The following CSMD2 variants were observed in gnomAD, a reference collection of about 807,000 sequenced individuals.
CSMD2 encodes CUB and sushi domain-containing protein 2.
Under a neutral mutation model 398.5 loss-of-function variants are expected in CSMD2, and 130 were observed. The observed-to-expected ratio is 0.33, with a 90% confidence interval of 0.28 to 0.38. The LOEUF is 0.38. Among genes scored for constraint, CSMD2 ranks in the 10% least tolerant of loss-of-function variants. The probability of loss-of-function intolerance (pLI) is 1.00; values close to 1 mark genes in which losing one functional copy is unlikely to be tolerated. For synonymous variants in CSMD2, 1,828 were observed against 1,908.5 expected (o/e 0.96, Z 1.10); for missense variants, 3,829 against 4,764.9 (o/e 0.80, Z 5.78).
At chr1:33,804,533 C>T (rs930958349) in intron 10 of CSMD2, among the ~76,000 whole-genome samples, 2 of 150,252 alleles carry the variant, frequency 1.3e-5, no homozygotes, top group East Asian at 1.9e-4. Context: ...GACATGCCTC[C>T]ATCAGGACTT....
chr1:33,580,702 A>G (rs1210925568), intron 48 of CSMD2, 51 bp downstream of exon 48: 4 of 1,604,382 alleles, frequency 2.5e-6, no homozygotes, highest in Non-Finnish European at 3.4e-6. Context: ...GAGGAGCTTG[A>G]GGCTTCGATG....
At chr1:33,800,285 C>A (rs1241940887) in intron 10 of CSMD2, among the ~76,000 whole-genome samples, 1 of 152,102 alleles carries the variant, frequency 6.6e-6, no homozygotes. Flanking sequence ...AGAATTAACT[C>A]CTGGGGTGAG....
chr1:33,911,425 T>A (rs925972971), intron 5 of CSMD2, among the ~76,000 whole-genome samples: 4 of 152,178 alleles, frequency 2.6e-5, no homozygotes, highest in Admixed American at 2.6e-4. Flanking sequence ...TCAAATTCCA[T>A]GGGTAAAATG....
At chr1:33,695,087 G>A (rs538616179) in intron 24 of CSMD2, among the ~76,000 whole-genome samples, 2 of 152,208 alleles carry the variant, frequency 1.3e-5, no homozygotes, top group Non-Finnish European at 2.9e-5. Flanking sequence ...AGAAGCAAGA[G>A]TTGACCAGGT....
intron 12 of CSMD2, among the ~76,000 whole-genome samples, chr1:33,782,532 A>G (rs1181124611): frequency 6.6e-6 from 1 of 152,146 alleles, no homozygotes; most frequent in Non-Finnish European, 1.5e-5. Flanking sequence ...TCCTGATTAT[A>G]AGCTGGGTTT....
intron 22 of CSMD2, among the ~76,000 whole-genome samples, chr1:33,707,695 GCACACACACACACA>G (rs200504764): frequency 5.0e-3 from 462 of 92,092 alleles, no homozygotes; most frequent in South Asian, 7.2e-3. Context: ...GCGCGCGCGC[GCACACACACACACA>G]CACACACACA....
chr1:33,768,977 T>C (rs1385999166), intron 13 of CSMD2, among the ~76,000 whole-genome samples: 1 of 152,220 alleles, frequency 6.6e-6, no homozygotes, highest in Non-Finnish European at 1.5e-5. Context: ...GGCATATCTC[T>C]GGTGAAGGCT....
chr1:34,116,352 T>C (rs1272426512), intron 1 of CSMD2, among the ~76,000 whole-genome samples: 2 of 151,934 alleles, frequency 1.3e-5, no homozygotes, highest in African/African-American at 4.8e-5. Flanking sequence ...TATATAATTA[T>C]ATTAGAAAAA....
Position 33,970,049 on chromosome 1 carries a change from T to C in CSMD2, c.518-34095A>G, listed in dbSNP as rs559255689. 8.9e-5 allele frequency among the ~76,000 whole-genome samples: 13 copies of C among 145,436 alleles called. No individual in the cohort carries two copies. In the South Asian group the frequency reaches 2.6e-3, roughly 29 times the overall value. ...TGAACCTGGGAGGCGGAGGTTGCAG[T>C]AAGCCGAGATCACGCCATTGCACTC... On this transcript the variant is annotated intron_variant, in intron 3 of 70. Coordinates refer to ENST00000373381, the MANE Select transcript of CSMD2 (RefSeq NM_001281956.2).
intron 3 of CSMD2, among the ~76,000 whole-genome samples, chr1:33,937,972 T>C (rs975871198): frequency 2.0e-5 from 3 of 152,254 alleles, no homozygotes; most frequent in Non-Finnish European, 4.4e-5. Context: ...CTGGCACTTG[T>C]AGGGACATAT....
intron 5 of CSMD2, among the ~76,000 whole-genome samples, chr1:33,907,142 G>T (rs552475541): frequency 6.9e-6 from 1 of 145,750 alleles, no homozygotes; most frequent in Non-Finnish European, 1.5e-5. Flanking sequence ...TTTTTGAGAC[G>T]GAGTCTGGCT....
chr1:33,621,832 T>TAG lies in CSMD2; in HGVS notation c.5827+333_5827+334dup, dbSNP rs1219956280. Among the ~76,000 whole-genome samples, 7 of 152,272 alleles carry TAG rather than the reference T, an allele frequency of 4.6e-5. No homozygotes were observed. In the East Asian group the frequency reaches 1.4e-3, roughly 29 times the overall value. On this transcript the variant is annotated intron_variant, in intron 37 of 70. Coordinates refer to ENST00000373381, the MANE Select transcript of CSMD2 (RefSeq NM_001281956.2). The stretch of plus-strand genomic sequence containing the variant: ...ATAATCGCATCATAGAACTAGGGGT[T>TAG]AGAAAGGCCAGGTTTTAGACCTGGG...
chr1:33,626,385 A>C, intron 33 of CSMD2, 101 bp downstream of exon 33: 1 of 756,938 alleles, frequency 1.3e-6, no homozygotes, highest in Non-Finnish European at 2.0e-6. Flanking sequence ...CACCCTGAGA[A>C]AGGGACTCAG....
At chr1:33,529,786 TATCAAAATTAAAGACA>T (rs1358812109) in intron 64 of CSMD2, among the ~76,000 whole-genome samples, 3 of 152,172 alleles carry the variant, frequency 2.0e-5, no homozygotes, top group Non-Finnish European at 2.9e-5. Flanking sequence ...AGTTAGATTT[TATCAAAATTAAAGACA>T]CTGGTGCTTC....
At chr1:34,101,499 T>G (rs927941139) in intron 1 of CSMD2, among the ~76,000 whole-genome samples, 5 of 152,228 alleles carry the variant, frequency 3.3e-5, no homozygotes, top group African/African-American at 1.2e-4. Context: ...TCTCAATAGT[T>G]ATGTCTAGGA....
Position 33,739,924 on chromosome 1 carries a change from G to A in CSMD2, c.2174-590C>T, listed in dbSNP as rs115072966. Among the ~76,000 whole-genome samples, 367 of 152,298 alleles carry A rather than the reference G, an allele frequency of 2.4e-3. 2 individuals carry two copies. The highest frequency in any genetic ancestry group is 3.6e-3 in the Non-Finnish European group (243 of 68,024). ...CTACCCAGGCAATTGATAATGCAGA[G>A]TGGGGAGAGGACAGAGTCAGAACGC... On this transcript the variant is annotated intron_variant, in intron 14 of 70. Transcript: ENST00000373381.
At chr1:34,088,524 CCA>C (rs1193325667) in intron 2 of CSMD2, among the ~76,000 whole-genome samples, 1 of 152,156 alleles carries the variant, frequency 6.6e-6, no homozygotes, top group African/African-American at 2.4e-5. Flanking sequence ...CCCCCAAATT[CCA>C]GAGTCTACAT....
chr1:33,677,756 C>T (rs1644765726), intron 25 of CSMD2, among the ~76,000 whole-genome samples: 1 of 151,934 alleles, frequency 6.6e-6, no homozygotes, highest in Non-Finnish European at 1.5e-5. Flanking sequence ...GGCACATATA[C>T]ACCATGGAAT....
chr1:33,819,596 G>C (rs983950972), intron 9 of CSMD2, 117 bp downstream of exon 9: 5 of 842,560 alleles, frequency 5.9e-6, no homozygotes, highest in East Asian at 2.7e-5. Context: ...CAGGGAGTGA[G>C]GGGGGAGGGG....
Sources: allele counts gnomAD v4.1 joint callset (sites outside exome capture counted in the v4.1 genomes callset), GRCh38; gene constraint gnomAD v4.1.1; transcripts MANE v1.5; gene names NCBI Gene and HGNC (gene_info 2026-07-23, HGNC 2026-07-21).